CTSB: variants seen among roughly 807,000 people sequenced by gnomAD.
The protein encoded by CTSB is cathepsin B, also known as APP secretase.
CTSB carries 57 observed loss-of-function variants against 44.3 expected under a neutral mutation model. The ratio of observed to expected loss-of-function variants is 1.29; its 90% CI spans 1.04 to 1.60. CTSB has a LOEUF of 1.60. Among genes scored for constraint, CTSB ranks in the 40% most tolerant of loss-of-function variants. The pLI is 0.00. For missense variants in CTSB, 768 were observed against 443.0 expected (o/e 1.73, Z -6.59); for synonymous variants, 320 against 168.0 (o/e 1.91, Z -7.00).
At chr8:11,865,817 G>C (rs1817041316) in intron 1 of CTSB, among the ~76,000 whole-genome samples, 1 of 148,240 alleles carries the variant, frequency 6.7e-6, no homozygotes, top group African/African-American at 2.5e-5. Flanking sequence ...AACCAGCCTG[G>C]CTAACATGGT....
intron 3 of CTSB, among the ~76,000 whole-genome samples, chr8:11,851,480 A>G (rs552017851): frequency 2.2e-4 from 34 of 152,134 alleles, no homozygotes; most frequent in Admixed American, 9.2e-4. Flanking sequence ...ATGATCCACC[A>G]CACCTGGCCT....
At chr8:11,856,982 CAG>C (rs1484612504) in intron 1 of CTSB, among the ~76,000 whole-genome samples, 3 of 152,292 alleles carry the variant, frequency 2.0e-5, no homozygotes, top group African/African-American at 7.2e-5. Flanking sequence ...AATGATTCCT[CAG>C]AGCATTTCCA....
intron 2 of CTSB, among the ~76,000 whole-genome samples, chr8:11,852,904 A>C (rs1814854471): frequency 6.6e-6 from 1 of 152,140 alleles, no homozygotes; most frequent in African/African-American, 2.4e-5. Flanking sequence ...TGACAATCAG[A>C]GACCCTCTCC....
At chr8:11,860,579 G>A (rs112435857) in intron 1 of CTSB, among the ~76,000 whole-genome samples, 33 of 152,206 alleles carry the variant, frequency 2.2e-4, no homozygotes, top group African/African-American at 6.5e-4. Flanking sequence ...GGCTGAGATC[G>A]CACCATTGCA....
chr8:11,865,096 A>G (rs550313705), intron 1 of CTSB, among the ~76,000 whole-genome samples: 1 of 152,230 alleles, frequency 6.6e-6, no homozygotes, highest in South Asian at 2.1e-4. Flanking sequence ...TGCCACCCTG[A>G]TATCCCAGAG....
chr8:11,847,743 GGTATCTCCCT>G lies in CTSB; in HGVS notation c.602_611del (p.Glu201AlafsTer71), dbSNP rs1813683352. 1 of 1,600,994 alleles carries G rather than the reference GGTATCTCCCT, an allele frequency of 6.2e-7. No individual in the cohort carries two copies. The highest frequency in any genetic ancestry group is 1.4e-5 in the African/African-American group (1 of 74,032). On this transcript the variant is annotated frameshift_variant, in exon 7 of 10. Transcript: ENST00000353047. LOFTEE classifies it high-confidence loss of function. The stretch of plus-strand genomic sequence containing the variant: ...GCTCACAGATCTTGCTACACTTGGG[GGTATCTCCCT>G]CCCCCGTGCATGGGGGCCGGGAGCC...
chr8:11,852,728 T>C (rs774119143), intron 2 of CTSB, 33 bp from the exon 3 acceptor site: 9 of 1,600,416 alleles, frequency 5.6e-6, no homozygotes, highest in Non-Finnish European at 7.7e-6. Context: ...CTGAAGGGTC[T>C]CCCGGGATGG....
chr8:11,867,989 C>T lies in CTSB; in HGVS notation c.-26+12G>A, dbSNP rs967413980. The T allele has an allele frequency of 2.0e-5, 3 of 152,318 alleles. No homozygotes were observed. The highest frequency in any genetic ancestry group is 3.9e-4 in the East Asian group (2 of 5,186). 9.4% of individuals were successfully genotyped at this position (152,318 alleles called of 1,614,324 possible). A position where few individuals can be genotyped will look rare whatever the true frequency, so the allele number is the denominator to read the frequency against. On this transcript the variant is annotated intron_variant, in intron 1 of 9. Coordinates refer to ENST00000353047, the MANE Select transcript of CTSB (RefSeq NM_001908.5). ...ACTTACGCTGCGGTGGCCCCGGGTC[C>T]CCAGCACTCACCCAGCGCTGCAGCC...
chr8:11,847,325 G>C (rs1813584257), intron 7 of CTSB, among the ~76,000 whole-genome samples, 157 bp from the exon 8 acceptor site: 1 of 152,154 alleles, frequency 6.6e-6, no homozygotes, highest in Non-Finnish European at 1.5e-5. Context: ...CTCCCCTGAA[G>C]AACTAAGGAC....
chr8:11,846,579 C>A (rs1008823073), intron 8 of CTSB, among the ~76,000 whole-genome samples: 1 of 152,174 alleles, frequency 6.6e-6, no homozygotes, highest in Non-Finnish European at 1.5e-5. Flanking sequence ...AAGGTCCTCC[C>A]TGTGTGTTCA....
chr8:11,859,465 A>G (rs969428693), intron 1 of CTSB, among the ~76,000 whole-genome samples: 7 of 152,148 alleles, frequency 4.6e-5, no homozygotes, highest in South Asian at 4.1e-4. Flanking sequence ...CAAGCTCAAT[A>G]AAGAAGGCTT....
chr8:11,847,616 G>A (rs574292405), intron 7 of CTSB, 63 bp downstream of exon 7: 2 of 1,486,794 alleles, frequency 1.3e-6, no homozygotes, highest in East Asian at 2.4e-5. Flanking sequence ...GCTGCAGCGT[G>A]AGGAGGGATG....
intron 7 of CTSB, 37 bp from the exon 8 acceptor site, chr8:11,847,205 G>C (rs369769242): frequency 1.0e-5 from 14 of 1,377,766 alleles, no homozygotes; most frequent in African/African-American, 7.2e-5. Context: ...GGGGAGGGCA[G>C]TGACCGTGCC....
intron 1 of CTSB, among the ~76,000 whole-genome samples, chr8:11,861,023 G>C (rs578123089): frequency 2.0e-5 from 3 of 152,322 alleles, no homozygotes; most frequent in Admixed American, 2.0e-4. Context: ...TCCTTTTTGA[G>C]TATGAATCAC....
chr8:11,856,011 G>C lies in CTSB; in HGVS notation c.-25-2532C>G, dbSNP rs148595702. ...CCACTGCATTCCTGCCTGGGTGACA[G>C]TGAGACTCTGCCTCAAAAATAAAAT... On this transcript the variant is annotated intron_variant, in intron 1 of 9. Coordinates refer to ENST00000353047, the MANE Select transcript of CTSB (RefSeq NM_001908.5). Among the ~76,000 whole-genome samples, 222 of 152,196 alleles carry C rather than the reference G, an allele frequency of 1.5e-3. 2 individuals carry two copies. Among genetic ancestry groups the C allele is most frequent in the African/African-American group, 5.0e-3 (207 of 41,532 alleles).
intron 7 of CTSB, 112 bp from the exon 8 acceptor site, chr8:11,847,280 A>G: frequency 1.4e-6 from 1 of 734,426 alleles, no homozygotes; most frequent in Admixed American, 1.9e-5. Context: ...ACTGCATCTA[A>G]GGGGACTTGC....
chr8:11,847,934 C>A, intron 6 of CTSB, 112 bp from the exon 7 acceptor site: 1 of 1,372,304 alleles, frequency 7.3e-7, no homozygotes, highest in South Asian at 1.3e-5. Context: ...CTGCCAGAGG[C>A]CTGTGCACCT....
chr8:11,853,472 A>C lies in CTSB; in HGVS notation c.-18T>G. ...TGCCACATGTTGGAAGCCGGATCCTAGATCCACCTGGAGAGGACAGAGGGC... is the reference window on the plus strand; with the variant it reads ...TGCCACATGTTGGAAGCCGGATCCTCGATCCACCTGGAGAGGACAGAGGGC... On this transcript the variant is annotated 5_prime_UTR_variant, in exon 2 of 10. Coordinates refer to ENST00000353047, the MANE Select transcript of CTSB (RefSeq NM_001908.5). 1 of 1,609,820 alleles carries C rather than the reference A, an allele frequency of 6.2e-7. No individual in the cohort carries two copies. Among genetic ancestry groups the C allele is most frequent in the Non-Finnish European group, 8.5e-7 (1 of 1,178,996 alleles).
Position 11,843,431 on chromosome 8 carries a change from G to A in CTSB, c.*1694C>T. 1 of 152,226 alleles carries A rather than the reference G, an allele frequency of 6.6e-6. No individual in the cohort carries two copies. The highest frequency in any genetic ancestry group is 1.9e-4 in the East Asian group (1 of 5,200). 9.4% of individuals were successfully genotyped at this position (152,226 alleles called of 1,614,324 possible). On this transcript the variant is annotated 3_prime_UTR_variant, in exon 10 of 10. Transcript: ENST00000353047. ...TTCAGTTGGGAAGGGGAGTACTGAGGTGTACCTTGGCAGGACAGTGGAATG... is the reference window on the plus strand; with the variant it reads ...TTCAGTTGGGAAGGGGAGTACTGAGATGTACCTTGGCAGGACAGTGGAATG...
Sources: allele counts gnomAD v4.1 joint callset (sites outside exome capture counted in the v4.1 genomes callset), GRCh38; gene constraint gnomAD v4.1.1; transcripts MANE v1.5; gene names NCBI Gene and HGNC (gene_info 2026-07-23, HGNC 2026-07-21).